The following MYT1L variants were observed in gnomAD, a reference collection of about 807,000 sequenced individuals.
MYT1L encodes the protein myelin transcription factor 1 like, also known as myelin transcription factor 1-like protein.
MYT1L carries 12 observed loss-of-function variants against 126.7 expected under a neutral mutation model. That is an observed-to-expected ratio of 0.09 (90% CI 0.06 to 0.15). MYT1L has a LOEUF of 0.15. Among genes scored for constraint, MYT1L ranks in the 10% least tolerant of loss-of-function variants. MYT1L has a pLI of 1.00. For synonymous variants in MYT1L, 541 were observed against 604.2 expected (o/e 0.90, Z 1.53); for missense variants, 979 against 1,585.2 (o/e 0.62, Z 6.49).
intron 3 of MYT1L, among the ~76,000 whole-genome samples, chr2:2,146,534 G>T (rs1302042847): frequency 6.6e-6 from 1 of 152,186 alleles, no homozygotes; most frequent in Admixed American, 6.5e-5. Context: ...CCCACCCCTG[G>T]AGACAGATAC....
chr2:2,206,485 G>A (rs546385391), intron 2 of MYT1L, among the ~76,000 whole-genome samples: 1 of 152,276 alleles, frequency 6.6e-6, no homozygotes, highest in South Asian at 2.1e-4. Flanking sequence ...GGTTATGTCT[G>A]TCTCCCCACC....
intron 2 of MYT1L, among the ~76,000 whole-genome samples, chr2:2,274,015 T>C (rs980430923): frequency 2.6e-5 from 4 of 152,116 alleles, no homozygotes; most frequent in Admixed American, 6.5e-5. Context: ...CAATTATCCA[T>C]ATGACACATT....
intron 1 of MYT1L, among the ~76,000 whole-genome samples, chr2:2,306,331 T>A (rs1330460270): frequency 6.6e-6 from 1 of 152,132 alleles, no homozygotes; most frequent in Non-Finnish European, 1.5e-5. Context: ...GTTTTTTAAG[T>A]GGTATCAAAT....
chr2:2,219,504 T>C (rs2093792724), intron 2 of MYT1L, among the ~76,000 whole-genome samples: 1 of 152,226 alleles, frequency 6.6e-6, no homozygotes, highest in African/African-American at 2.4e-5. Flanking sequence ...AAGAGATCAA[T>C]GTATTTTATG....
chr2:1,852,775 A>G lies in MYT1L; in HGVS notation c.2712-1072T>C, dbSNP rs765865080. Reference sequence around the variant, plus strand: ...CACCTAGTAGGAAGCATCAAAGCATACTCCATGCCCCTTCCCACCTCAGTG... The same window carrying G: ...CACCTAGTAGGAAGCATCAAAGCATGCTCCATGCCCCTTCCCACCTCAGTG... On this transcript the variant is annotated intron_variant, in intron 18 of 24. Coordinates refer to ENST00000647738, the MANE Select transcript of MYT1L (RefSeq NM_001303052.2). This position sits in a 1 kb window ranked among gnomAD's most constrained non-coding sequence, Gnocchi z 4.0. 6.6e-6 allele frequency among the ~76,000 whole-genome samples: 1 copy of G among 152,178 alleles called. No individual in the cohort carries two copies. Among genetic ancestry groups the G allele is most frequent in the African/African-American group, 2.4e-5 (1 of 41,422 alleles).
At chr2:2,023,470 T>C (rs1404565378) in intron 4 of MYT1L, among the ~76,000 whole-genome samples, 1 of 152,114 alleles carries the variant, frequency 6.6e-6, no homozygotes, top group Non-Finnish European at 1.5e-5. Flanking sequence ...TCTCTCCACT[T>C]CAGGAGGCTG....
At chr2:2,138,534 G>T (rs1208402739) in intron 3 of MYT1L, among the ~76,000 whole-genome samples, 1 of 145,256 alleles carries the variant, frequency 6.9e-6, no homozygotes, top group Non-Finnish European at 1.5e-5. Context: ...ATGAGTTCAT[G>T]TCCTTTGTAG....
intron 18 of MYT1L, among the ~76,000 whole-genome samples, chr2:1,859,769 C>T (rs185037452): frequency 7.2e-4 from 109 of 152,364 alleles, no homozygotes; most frequent in African/African-American, 2.4e-3. Context: ...CCCATCCAGC[C>T]GCCCTGCCCC....
chr2:2,003,721 T>C (rs1350874311), intron 4 of MYT1L, among the ~76,000 whole-genome samples: 1 of 152,178 alleles, frequency 6.6e-6, no homozygotes, highest in Non-Finnish European at 1.5e-5. Flanking sequence ...TGCTTAGGGC[T>C]GCCGAGCCTC....
At chr2:1,792,114 T>C in intron 24 of MYT1L, 107 bp from the exon 25 acceptor site, 1 of 1,201,782 alleles carries the variant, frequency 8.3e-7, no homozygotes, top group Non-Finnish European at 1.1e-6. Flanking sequence ...TTTTATACTA[T>C]TTCAAAGGCC....
rs562491503 is a variant in MYT1L at position 2,141,881 on chromosome 2, C to A, written c.-304+30991G>T. Among the ~76,000 whole-genome samples the A allele has an allele frequency of 1.7e-4, 26 of 152,204 alleles. No individual in the cohort carries two copies. In the South Asian group the frequency reaches 5.4e-3, roughly 32 times the overall value. Reference sequence around the variant, plus strand: ...AGAAACTTTAAACATTGAGAAACTTCTATGTAGGGAGACCGACTCAGTCAA... The same window carrying A: ...AGAAACTTTAAACATTGAGAAACTTATATGTAGGGAGACCGACTCAGTCAA... On this transcript the variant is annotated intron_variant, in intron 3 of 24. Coordinates refer to ENST00000647738, the MANE Select transcript of MYT1L (RefSeq NM_001303052.2).
At chr2:2,028,546 G>C (rs573565984) in intron 4 of MYT1L, among the ~76,000 whole-genome samples, 1 of 152,304 alleles carries the variant, frequency 6.6e-6, no homozygotes, top group African/African-American at 2.4e-5. Flanking sequence ...TTCTGCACTT[G>C]AAAGGAGAAT....
chr2:2,288,399 A>G (rs2095553373), intron 1 of MYT1L, among the ~76,000 whole-genome samples: 1 of 152,248 alleles, frequency 6.6e-6, no homozygotes, highest in African/African-American at 2.4e-5. Context: ...AGAGCAAAGT[A>G]TTGAGAAGAG....
chr2:2,302,586 A>G (rs1019446246), intron 1 of MYT1L, among the ~76,000 whole-genome samples: 1 of 152,182 alleles, frequency 6.6e-6, no homozygotes, highest in African/African-American at 2.4e-5. Flanking sequence ...CCTGTGGCGG[A>G]TGTCTGCTTA....
intron 1 of MYT1L, among the ~76,000 whole-genome samples, chr2:2,319,700 A>C (rs1476980386): frequency 6.6e-6 from 1 of 152,040 alleles, no homozygotes; most frequent in East Asian, 1.9e-4. Flanking sequence ...CTATTTCAAA[A>C]TGCATTCAAG....
chr2:2,044,521 G>C (rs554294862), intron 4 of MYT1L, among the ~76,000 whole-genome samples: 1 of 152,312 alleles, frequency 6.6e-6, no homozygotes, highest in South Asian at 2.1e-4. Flanking sequence ...ACAAAACTCT[G>C]CAACGGGCTT....
At chr2:2,128,043 C>T (rs541507820) in intron 3 of MYT1L, among the ~76,000 whole-genome samples, 1 of 152,166 alleles carries the variant, frequency 6.6e-6, no homozygotes, top group African/African-American at 2.4e-5. Context: ...AGTATCATAA[C>T]AATGCTAATT....
intron 18 of MYT1L, among the ~76,000 whole-genome samples, chr2:1,856,425 A>T (rs941308332): frequency 1.3e-5 from 2 of 152,176 alleles, no homozygotes; most frequent in African/African-American, 2.4e-5. Context: ...ACATCATCAT[A>T]AAAAAATCAT....
At chr2:1,818,008 C>T (rs371784085) in intron 21 of MYT1L, among the ~76,000 whole-genome samples, 9 of 152,272 alleles carry the variant, frequency 5.9e-5, no homozygotes, top group South Asian at 2.1e-4. Context: ...TGGCACCAGG[C>T]GTCAGCACCA....
Sources: gnomAD v4.1 joint callset for allele counts (sites outside exome capture counted in the v4.1 genomes callset) on GRCh38, gnomAD v4.1.1 for gene constraint, Gnocchi (gnomAD v3.1) non-coding constraint, MANE v1.5 for transcripts, NCBI Gene and HGNC (gene_info 2026-07-23, HGNC 2026-07-21) for gene names.